Variants in ARL5C observed in about 807,000 individuals in gnomAD.
ARL5C encodes putative ADP-ribosylation factor-like protein 5C.
In ARL5C, 21 loss-of-function variants were observed where a neutral mutation model predicts 20.8. The observed-to-expected ratio is 1.01, with a 90% CI of 0.72 to 1.46. ARL5C has a LOEUF of 1.46. Ranked by LOEUF, ARL5C falls within the 40% of genes most tolerant of loss-of-function variation. ARL5C has a pLI of 0.00. For synonymous variants in ARL5C, 71 were observed against 81.6 expected (o/e 0.87, Z 0.70); for missense variants, 199 against 225.1 (o/e 0.88, Z 0.74).
intron 1 of ARL5C, 65 bp from the exon 2 acceptor site, chr17:39,165,204 C>T (rs774772562): frequency 6.7e-7 from 1 of 1,488,178 alleles, no homozygotes; most frequent in Admixed American, 2.0e-5. Flanking sequence ...TGTGTGCCCC[C>T]ACCAGACCTC....
In ARL5C at chr17:39,165,987, G is replaced by A. The variant is rs2045461810; in HGVS notation, c.-227C>T. 1 of 576,412 alleles carries A rather than the reference G, an allele frequency of 1.7e-6. No individual in the cohort carries two copies. 35.7% of individuals were successfully genotyped at this position (576,412 alleles called of 1,614,324 possible). ...TAAGGGCTGCCTGTCCCGGGCCCAA[G>A]AGGTGCAAGGAATATGGGGGTTCCA... On this transcript the variant is annotated 5_prime_UTR_variant, in exon 1 of 6. Coordinates refer to ENST00000269586, the MANE Select transcript of ARL5C (RefSeq NM_001143968.1).
rs1169143455 is a variant in ARL5C at position 39,160,741 on chromosome 17, G to A, written c.341C>T (p.Ala114Val). 6.4e-6 allele frequency: 10 copies of A among 1,551,118 alleles called. No homozygotes were observed. Among genetic ancestry groups the A allele is most frequent in the African/African-American group, 1.4e-5 (1 of 73,012 alleles). ...EELYKMLAHE[A>V]LQDASVLIFA... ...TATCAGGACTGAAGCATCCTGTAGAGCCTGTGGACAGAGGAGCCCAGCCCC... is the reference window on the plus strand; with the variant it reads ...TATCAGGACTGAAGCATCCTGTAGAACCTGTGGACAGAGGAGCCCAGCCCC... Residue 114 changes from alanine (A) to valine (V), a missense_variant and splice_region_variant, in exon 5 of 6, where the codon GCT becomes GTT. By Grantham distance (64) the Ala-to-Val change is moderately conservative. Coordinates refer to ENST00000269586, the MANE Select transcript of ARL5C (RefSeq NM_001143968.1).
rs140922427 is a variant in ARL5C at position 39,157,242 on chromosome 17, C to G, written c.492-300G>C. ...TACATACTGTGATAAAGGAAATATACAGAGGCCTCTGGATGCCTGAGAGTC... is the reference window on the plus strand; with the variant it reads ...TACATACTGTGATAAAGGAAATATAGAGAGGCCTCTGGATGCCTGAGAGTC... On this transcript the variant is annotated intron_variant, in intron 5 of 5. Transcript: ENST00000269586. Among the ~76,000 whole-genome samples, 374 of 152,314 alleles carry G rather than the reference C, an allele frequency of 2.5e-3. 12 individuals are homozygous for G. In the East Asian group the frequency reaches 0.037, roughly 15 times the overall value.
intron 2 of ARL5C, among the ~76,000 whole-genome samples, chr17:39,163,345 C>CCTTTCTTTCTTT (rs57401429): frequency 0.14 from 18,685 of 136,650 alleles, 1,537 homozygotes; most frequent in East Asian, 0.19. Flanking sequence ...CAGGCTTTTG[C>CCTTTCTTTCTTT]CTTTCTTTCT....
chr17:39,157,598 T>G (rs549797452), intron 5 of ARL5C, among the ~76,000 whole-genome samples: 53 of 150,732 alleles, frequency 3.5e-4, no homozygotes, highest in African/African-American at 1.2e-3. Context: ...GAGACCAGCC[T>G]GACCAACATG....
At chr17:39,160,814 C>A in intron 4 of ARL5C, 72 bp from the exon 5 acceptor site, 1 of 1,509,876 alleles carries the variant, frequency 6.6e-7, no homozygotes, top group Non-Finnish European at 8.9e-7. Flanking sequence ...CTCACAGGCG[C>A]TCTCTGGCTC....
chr17:39,157,579 C>A (rs1031049867), intron 5 of ARL5C, among the ~76,000 whole-genome samples: 1 of 147,008 alleles, frequency 6.8e-6, no homozygotes, highest in African/African-American at 2.5e-5. Flanking sequence ...CACCTGAGGT[C>A]GGGAATTCGA....
At chr17:39,158,051 T>C (rs2144039956) in intron 5 of ARL5C, among the ~76,000 whole-genome samples, 1 of 145,954 alleles carries the variant, frequency 6.9e-6, no homozygotes. Flanking sequence ...TGAGCCGAGA[T>C]CGCGCCACTG....
chr17:39,165,866 G>A lies in ARL5C; in HGVS notation c.-106C>T, dbSNP rs2045461162. 7.2e-7 allele frequency: 1 copy of A among 1,389,914 alleles called. No individual in the cohort carries two copies. The highest frequency in any genetic ancestry group is 1.4e-5 in the African/African-American group (1 of 69,852). The allele number at this position is 1,389,914 out of a possible 1,614,324, so 86.1% of individuals were successfully genotyped here. On this transcript the variant is annotated 5_prime_UTR_variant, in exon 1 of 6. Coordinates refer to ENST00000269586, the MANE Select transcript of ARL5C (RefSeq NM_001143968.1). ...CCCCCGGGAGGGTCTGGCAGATTTTGCCTACGAAGTTAGGGAAGCCCCACA... is the reference window on the plus strand; with the variant it reads ...CCCCCGGGAGGGTCTGGCAGATTTTACCTACGAAGTTAGGGAAGCCCCACA...
At chr17:39,156,816 A>C (rs1597666784), downstream of ARL5C, 12 of 1,505,884 alleles carry the variant, frequency 8.0e-6, no homozygotes, top group Non-Finnish European at 9.9e-6. Context: ...ATAGAAAAGT[A>C]ATAAATAGCC....
At chr17:39,159,933 A>G (rs1207039138) in intron 5 of ARL5C, among the ~76,000 whole-genome samples, 2 of 152,218 alleles carry the variant, frequency 1.3e-5, no homozygotes, top group African/African-American at 2.4e-5. Flanking sequence ...CTCAAAAGTC[A>G]TCTCTTAAGA....
At chr17:39,160,865 G>A in intron 4 of ARL5C, 123 bp from the exon 5 acceptor site, 4 of 1,206,154 alleles carry the variant, frequency 3.3e-6, no homozygotes, top group Non-Finnish European at 4.5e-6. Flanking sequence ...ATGCCTGGAT[G>A]GGGCAGAGAT....
Position 39,161,301 on chromosome 17 carries a change from A to G in ARL5C, c.306T>C (p.Thr102=), listed in dbSNP as rs61746599. ...CCAGCATTTTATATAGCTCCTCCCGAGTGGTCAGCAGCCGATCCCGGTCCG... is the reference window on the plus strand; with the variant it reads ...CCAGCATTTTATATAGCTCCTCCCGGGTGGTCAGCAGCCGATCCCGGTCCG... The part of the protein sequence containing the change: ...DSTDRDRLLT[T]REELYKMLAH... Residue 102 remains threonine, a synonymous_variant, in exon 4 of 6, where the codon ACT becomes ACC. Transcript: ENST00000269586. The G allele has an allele frequency of 0.013, 19,776 of 1,551,798 alleles. 144 individuals carry two copies. The highest frequency in any genetic ancestry group is 0.015 in the Non-Finnish European group (17,595 of 1,146,986).
At chr17:39,160,498 T>TTC (rs1010316079) in intron 5 of ARL5C, 93 bp downstream of exon 5, 1 of 1,458,780 alleles carries the variant, frequency 6.9e-7, no homozygotes, top group African/African-American at 1.4e-5. Flanking sequence ...GTGAACCAGA[T>TTC]TCTCACAGGA....
In ARL5C at chr17:39,165,948, G is replaced by C; in HGVS notation, c.-188C>G. ...ACGCTGGCCCTTCGTGGGCACTATG[G>C]ACACCCCAGTGACTAAGGGCTGCCT... On this transcript the variant is annotated 5_prime_UTR_variant, in exon 1 of 6. Transcript: ENST00000269586. 1.6e-6 allele frequency: 1 copy of C among 641,578 alleles called. No homozygotes were observed. Among genetic ancestry groups the C allele is most frequent in the Non-Finnish European group, 2.7e-6 (1 of 368,498 alleles). The allele number at this position is 641,578 out of a possible 1,614,324, so 39.7% of individuals were successfully genotyped here.
At chr17:39,165,534 G>A (rs1181009512) in intron 1 of ARL5C, 181 bp downstream of exon 1, 7 of 709,038 alleles carry the variant, frequency 9.9e-6, no homozygotes, top group East Asian at 2.7e-5. Flanking sequence ...GCGCACCGAA[G>A]CGCCGGGACC....
intron 1 of ARL5C, 170 bp from the exon 2 acceptor site, chr17:39,165,309 G>A (rs1345270809): frequency 6.1e-6 from 4 of 655,096 alleles, no homozygotes; most frequent in South Asian, 1.8e-5. Context: ...CCCACTCCGG[G>A]ACGGTGGAAA....
At chr17:39,161,462 G>A in intron 3 of ARL5C, 111 bp from the exon 4 acceptor site, 1 of 909,146 alleles carries the variant, frequency 1.1e-6, no homozygotes, top group Admixed American at 2.2e-5. Context: ...CAGCCCCAGA[G>A]AAATGAAAGC....
At chr17:39,160,343 A>T in intron 5 of ARL5C, 5 of 392,462 alleles carry the variant, frequency 1.3e-5, no homozygotes, top group Non-Finnish European at 1.4e-5. Context: ...AAAAAAAGAG[A>T]GAGAGATTAT....
Sources: allele counts gnomAD v4.1 joint callset (sites outside exome capture counted in the v4.1 genomes callset), GRCh38; gene constraint gnomAD v4.1.1; transcripts MANE v1.5; gene names NCBI Gene and HGNC (gene_info 2026-07-23, HGNC 2026-07-21).